The following LRP1B variants were observed in gnomAD, a reference collection of about 807,000 sequenced individuals.
LRP1B encodes LDL receptor related protein 1B.
LRP1B carries 217 observed loss-of-function variants against 556.6 expected under a neutral mutation model. That is an observed-to-expected ratio of 0.39 (90% CI 0.35 to 0.44). LRP1B has a LOEUF of 0.44. LRP1B is among the 20% of genes least tolerant of loss of function. LRP1B has a pLI of 1.00. For synonymous variants in LRP1B, 2,047 were observed against 1,865.8 expected (o/e 1.10, Z -2.50); for missense variants, 5,053 against 5,620.8 (o/e 0.90, Z 3.23).
chr2:142,106,939 A>T (rs1442349026), intron 1 of LRP1B, among the ~76,000 whole-genome samples: 2 of 152,248 alleles, frequency 1.3e-5, no homozygotes, highest in East Asian at 3.9e-4. Context: ...GCATAAAGGC[A>T]TATGTTATAA....
rs1214461782 is a variant in LRP1B at position 140,994,009 on chromosome 2, T to C, written c.2630A>G (p.Asp877Gly). 6.2e-7 allele frequency: 1 copy of C among 1,612,500 alleles called. No homozygotes were observed. The highest frequency in any genetic ancestry group is 1.1e-5 in the South Asian group (1 of 91,030). Residue 877 changes from aspartate (D) to glycine (G), a missense_variant, in exon 16 of 91, where the codon GAT becomes GGT. Physicochemically the swap from Asp to Gly is moderately conservative, Grantham distance 94 (BLOSUM62 -1). This residue lies in a region of LRP1B where 3,619 missense variants were observed against 3,931.9 expected (regional missense o/e 0.92). Coordinates refer to ENST00000389484, the MANE Select transcript of LRP1B (RefSeq NM_018557.3). ...AGAGAACATACAGCAGTTTACTGAA[T>C]CCTCATCGCTTCCGTCTAGGCAGTC... The part of the protein sequence containing the change: ...DDDCLDGSDE[D>G]SVNCFNHSCP...
At chr2:141,765,229 G>T (rs1358366293) in intron 2 of LRP1B, among the ~76,000 whole-genome samples, 1 of 152,128 alleles carries the variant, frequency 6.6e-6, no homozygotes, top group Non-Finnish European at 1.5e-5. Context: ...AGCCTGACAA[G>T]AACAAGACAA....
chr2:141,733,849 T>A (rs1252041988), intron 2 of LRP1B, among the ~76,000 whole-genome samples: 3 of 152,162 alleles, frequency 2.0e-5, no homozygotes, highest in Non-Finnish European at 4.4e-5. Context: ...TTCTTGAATA[T>A]ACCACTATAA....
intron 1 of LRP1B, among the ~76,000 whole-genome samples, chr2:141,984,895 C>T (rs951096000): frequency 8.5e-5 from 13 of 152,210 alleles, no homozygotes; most frequent in African/African-American, 3.1e-4. Context: ...TCATATGGTA[C>T]AAAAACTTAC....
At chr2:140,554,220 A>T (rs1025905545) in intron 43 of LRP1B, among the ~76,000 whole-genome samples, 1 of 152,090 alleles carries the variant, frequency 6.6e-6, no homozygotes, top group Non-Finnish European at 1.5e-5. Context: ...GCCTGAGGTC[A>T]CCCAGAGGAC....
chr2:140,658,814 T>C (rs1684981476), intron 41 of LRP1B, among the ~76,000 whole-genome samples: 1 of 152,204 alleles, frequency 6.6e-6, no homozygotes, highest in South Asian at 2.1e-4. Context: ...TTATGTACTA[T>C]AAATCTACTT....
At chr2:140,434,810 A>C (rs1686102079) in intron 66 of LRP1B, among the ~76,000 whole-genome samples, 1 of 152,214 alleles carries the variant, frequency 6.6e-6, no homozygotes, top group South Asian at 2.1e-4. Flanking sequence ...TTATCATTAT[A>C]TTATGTCCAA....
At chr2:140,822,592 G>A (rs1374063296) in intron 31 of LRP1B, among the ~76,000 whole-genome samples, 1 of 152,190 alleles carries the variant, frequency 6.6e-6, no homozygotes, top group African/African-American at 2.4e-5. Flanking sequence ...AGGCACAATT[G>A]GCTAAGAGGT....
intron 1 of LRP1B, among the ~76,000 whole-genome samples, chr2:141,975,218 C>A (rs1407258475): frequency 6.6e-6 from 1 of 151,860 alleles, no homozygotes; most frequent in Non-Finnish European, 1.5e-5. Flanking sequence ...AAATTTTTGA[C>A]CAAAGTGACA....
chr2:141,589,204 C>G (rs149865623), intron 2 of LRP1B, among the ~76,000 whole-genome samples: 1 of 152,054 alleles, frequency 6.6e-6, no homozygotes, highest in Non-Finnish European at 1.5e-5. Context: ...TTTTAAACCT[C>G]TCTTTAAAAA....
chr2:141,434,386 A>C (rs1680677835), intron 3 of LRP1B, among the ~76,000 whole-genome samples: 1 of 151,906 alleles, frequency 6.6e-6, no homozygotes, highest in Non-Finnish European at 1.5e-5. Context: ...TCCTCTAGTG[A>C]ATTTTCATTT....
intron 1 of LRP1B, among the ~76,000 whole-genome samples, chr2:141,895,957 T>C (rs1280652796): frequency 1.7e-5 from 2 of 114,500 alleles, no homozygotes; most frequent in Non-Finnish European, 3.7e-5. Flanking sequence ...TTTTAATTTT[T>C]AGAAAATATT....
chr2:140,453,719 C>A (rs1686972582), intron 62 of LRP1B, among the ~76,000 whole-genome samples: 3 of 152,004 alleles, frequency 2.0e-5, no homozygotes, highest in Admixed American at 2.0e-4. Flanking sequence ...ATGAATTGAA[C>A]TTAATCTTAA....
chr2:140,906,837 A>G (rs1694267285), intron 22 of LRP1B, among the ~76,000 whole-genome samples: 1 of 152,022 alleles, frequency 6.6e-6, no homozygotes, highest in African/African-American at 2.4e-5. Flanking sequence ...TTTGTTGCTC[A>G]ACTTAAGTTC....
intron 1 of LRP1B, among the ~76,000 whole-genome samples, chr2:142,085,890 C>G (rs566487553): frequency 6.6e-6 from 1 of 152,294 alleles, no homozygotes; most frequent in East Asian, 1.9e-4. Flanking sequence ...AACTATCCCA[C>G]TCTCCTCTGG....
chr2:140,751,369 A>T (rs375718442), intron 35 of LRP1B, among the ~76,000 whole-genome samples: 2 of 152,310 alleles, frequency 1.3e-5, no homozygotes, highest in East Asian at 3.9e-4. Context: ...AGTGAACTAT[A>T]GCAACGTGAA....
chr2:141,292,857 G>A (rs2105412919), intron 3 of LRP1B, among the ~76,000 whole-genome samples: 1 of 152,122 alleles, frequency 6.6e-6, no homozygotes, highest in African/African-American at 2.4e-5. Flanking sequence ...AACAGATAAA[G>A]GATACTAGGT....
chr2:141,984,918 C>T (rs992014535), intron 1 of LRP1B, among the ~76,000 whole-genome samples: 10 of 152,126 alleles, frequency 6.6e-5, no homozygotes, highest in African/African-American at 2.4e-4. Flanking sequence ...AAGCATCTTA[C>T]TTGATTGTTC....
Position 140,506,871 on chromosome 2 carries a change from C to A in LRP1B, c.8446G>T (p.Val2816Leu). ...DENAFMCHNK[V>L]CIPKQFVCDH... ...CAAACAAATTGCTTGGGAATGCATACTTTATTATGGCACATGAAAGCATTT... is the reference window on the plus strand; with the variant it reads ...CAAACAAATTGCTTGGGAATGCATAATTTATTATGGCACATGAAAGCATTT... Residue 2816 changes from valine (V) to leucine (L), a missense_variant, in exon 53 of 91, where the codon GTA becomes TTA. This residue lies in a region of LRP1B where 3,619 missense variants were observed against 3,931.9 expected (regional missense o/e 0.92). Coordinates refer to ENST00000389484, the MANE Select transcript of LRP1B (RefSeq NM_018557.3). The A allele has an allele frequency of 6.2e-7, 1 of 1,613,998 alleles. No homozygotes were observed.
Sources: gnomAD v4.1 joint callset for allele counts (sites outside exome capture counted in the v4.1 genomes callset) on GRCh38, gnomAD v4.1.1 for gene constraint, gnomAD v4.1.1 regional missense constraint, MANE v1.5 for transcripts, NCBI Gene and HGNC (gene_info 2026-07-23, HGNC 2026-07-21) for gene names.